The following KIAA1217 variants were observed in gnomAD, a reference collection of about 807,000 sequenced individuals.
The protein encoded by KIAA1217 is KIAA1217, also known as sickle tail protein homolog.
KIAA1217 carries 88 observed loss-of-function variants against 163.9 expected under a neutral mutation model. The observed-to-expected ratio is 0.54, with a 90% CI of 0.45 to 0.64. KIAA1217 has a LOEUF of 0.64. Ranked by LOEUF, KIAA1217 falls within the 30% of genes least tolerant of loss-of-function variation. The pLI is 0.00. For synonymous variants in KIAA1217, 903 were observed against 923.1 expected (o/e 0.98, Z 0.39); for missense variants, 2,372 against 2,475.0 (o/e 0.96, Z 0.88).
At chr10:24,538,712 A>T (rs2074481228) in intron 17 of KIAA1217, among the ~76,000 whole-genome samples, 8 of 142,028 alleles carry the variant, frequency 5.6e-5, no homozygotes, top group Admixed American at 2.2e-4. Context: ...TTGGAAATAT[A>T]TTGATTTTTA....
chr10:24,063,261 T>C (rs1338511457), intron 2 of KIAA1217, among the ~76,000 whole-genome samples: 1 of 152,356 alleles, frequency 6.6e-6, no homozygotes, highest in Non-Finnish European at 1.5e-5. Flanking sequence ...TCTAGGGTTT[T>C]TATGGTTTTA....
intron 6 of KIAA1217, among the ~76,000 whole-genome samples, chr10:24,488,972 C>T (rs752447189): frequency 6.6e-6 from 1 of 152,128 alleles, no homozygotes; most frequent in Non-Finnish European, 1.5e-5. Context: ...TTACCTAGCA[C>T]GTATTAAGGG....
intron 3 of KIAA1217, among the ~76,000 whole-genome samples, chr10:24,390,457 A>G (rs1273989298): frequency 9.7e-6 from 1 of 103,384 alleles, no homozygotes; most frequent in Non-Finnish European, 1.8e-5. Context: ...ATGGGGGAAA[A>G]AAGGAGGGAG....
At chr10:23,705,713 G>T (rs1351254987) in intron 1 of KIAA1217, among the ~76,000 whole-genome samples, 1 of 152,028 alleles carries the variant, frequency 6.6e-6, no homozygotes, top group East Asian at 1.9e-4. Context: ...GATTGTTTTG[G>T]CTATCTCAGT....
chr10:24,321,646 C>T (rs776801022), intron 2 of KIAA1217, among the ~76,000 whole-genome samples: 1 of 152,146 alleles, frequency 6.6e-6, no homozygotes, highest in Non-Finnish European at 1.5e-5. Context: ...ACATTATGCT[C>T]AGTGAACTAA....
At chr10:23,701,735 C>T (rs1054291162) in intron 1 of KIAA1217, among the ~76,000 whole-genome samples, 7 of 152,228 alleles carry the variant, frequency 4.6e-5, no homozygotes, top group Admixed American at 6.5e-5. Flanking sequence ...GTTTAAATGC[C>T]CTGTTGTCTG....
chr10:23,772,674 C>T (rs569481713), intron 1 of KIAA1217, among the ~76,000 whole-genome samples: 15 of 152,188 alleles, frequency 9.9e-5, no homozygotes, highest in Admixed American at 3.3e-4. Flanking sequence ...GAACACTCCG[C>T]GAACTATTAG....
Position 24,524,773 on chromosome 10 carries a change from C to G in KIAA1217, c.2898+9C>G, listed in dbSNP as rs201478904. ...GGGCAGTGTCTATCGAGGTAGAGTC[C>G]TATTTCTGTTTCTCATAACCCCATA... On this transcript the variant is annotated intron_variant, in intron 13 of 20. Transcript: ENST00000376454. 1.8e-5 allele frequency: 29 copies of G among 1,569,268 alleles called. No homozygotes were observed. In the Admixed American group the frequency reaches 4.1e-4, roughly 22 times the overall value.
chr10:24,031,308 T>C (rs931035500), intron 2 of KIAA1217, among the ~76,000 whole-genome samples: 6 of 152,194 alleles, frequency 3.9e-5, no homozygotes, highest in African/African-American at 1.2e-4. Context: ...CATTCATTCA[T>C]TCATTTATTT....
intron 2 of KIAA1217, among the ~76,000 whole-genome samples, chr10:24,076,065 T>C (rs943049220): frequency 5.3e-5 from 8 of 151,830 alleles, no homozygotes; most frequent in African/African-American, 7.3e-5. Flanking sequence ...TTGGGGGGAG[T>C]AGGGCCTCTG....
At chr10:24,189,164 A>G (rs1341701963) in intron 2 of KIAA1217, among the ~76,000 whole-genome samples, 1 of 151,892 alleles carries the variant, frequency 6.6e-6, no homozygotes, top group Non-Finnish European at 1.5e-5. Flanking sequence ...GAATCTGGGG[A>G]TGATGATAGT....
In KIAA1217 at chr10:24,182,391, A is replaced by G. The variant is rs1001523508; in HGVS notation, c.-170-37235A>G. Among the ~76,000 whole-genome samples, 29 of 151,026 alleles carry G rather than the reference A, an allele frequency of 1.9e-4. 1 individual carries two copies. The highest frequency in any genetic ancestry group is 4.4e-5 in the Non-Finnish European group (3 of 67,870). ...GGTGGGGGGAGGGCTGCAGTGAGCC[A>G]AGATCGCACCACTGCACTCCAACCT... On this transcript the variant is annotated intron_variant, in intron 2 of 18. Coordinates refer to the KIAA1217 transcript ENST00000376462.
Position 24,527,982 on chromosome 10 carries a change from A to G in KIAA1217, c.2945A>G (p.Tyr982Cys), listed in dbSNP as rs138435732. ...WEEKRQNLDHYNGKEFEKLLE... is the reference protein window; with the variant it reads ...WEEKRQNLDHCNGKEFEKLLE... ...GAAAAAAGGCAAAATCTGGATCACT[A>G]TAATGGGAAAGAGTTTGAGAAGCTC... Residue 982 changes from tyrosine (Y) to cysteine (C), a missense_variant, in exon 14 of 21, where the codon TAT becomes TGT. By Grantham distance (194) the Tyr-to-Cys change is radical (BLOSUM62 -2). Transcript: ENST00000376454. 945 of 1,614,012 alleles carry G rather than the reference A, an allele frequency of 5.9e-4. No individual in the cohort carries two copies. Among genetic ancestry groups the G allele is most frequent in the Non-Finnish European group, 7.2e-4 (853 of 1,180,002 alleles).
intron 1 of KIAA1217, among the ~76,000 whole-genome samples, chr10:23,730,945 C>G (rs545214443): frequency 6.6e-6 from 1 of 152,276 alleles, no homozygotes; most frequent in African/African-American, 2.4e-5. Context: ...CAAACAAAGA[C>G]AGTTTTATTT....
intron 1 of KIAA1217, among the ~76,000 whole-genome samples, chr10:23,974,346 A>G (rs1202860652): frequency 6.6e-6 from 1 of 152,220 alleles, no homozygotes; most frequent in Non-Finnish European, 1.5e-5. Flanking sequence ...GCTTTATATT[A>G]GCTTATTTCC....
intron 2 of KIAA1217, among the ~76,000 whole-genome samples, chr10:24,026,833 G>A (rs1847975948): frequency 7.8e-6 from 1 of 128,534 alleles, no homozygotes; most frequent in Non-Finnish European, 1.6e-5. Flanking sequence ...TTAGATCATT[G>A]ACTTGAGACT....
At chr10:24,065,144 C>T (rs2060887675) in intron 2 of KIAA1217, among the ~76,000 whole-genome samples, 1 of 152,202 alleles carries the variant, frequency 6.6e-6, no homozygotes. Context: ...CTATTTCCTT[C>T]AGTTCCGCTC....
At chr10:24,422,901 C>CTTTTTTTTTTTTTTT (rs58161228) in intron 3 of KIAA1217, among the ~76,000 whole-genome samples, 6 of 120,622 alleles carry the variant, frequency 5.0e-5, no homozygotes, top group South Asian at 2.5e-4. Context: ...ATAGATTTAA[C>CTTTTTTTTTTTTTTT]TTTTTTTTTT....
chr10:23,869,990 T>C (rs12243597), intron 1 of KIAA1217, among the ~76,000 whole-genome samples: 2,931 of 152,282 alleles, frequency 0.019, 98 homozygotes, highest in Admixed American at 0.051. Flanking sequence ...TGAAGCAACG[T>C]TAAGCCCAAT....
Sources: gnomAD v4.1 joint callset for allele counts (sites outside exome capture counted in the v4.1 genomes callset) on GRCh38, gnomAD v4.1.1 for gene constraint, MANE v1.5 for transcripts, NCBI Gene and HGNC (gene_info 2026-07-23, HGNC 2026-07-21) for gene names.